The following TBCE variants were observed in gnomAD, a reference collection of about 807,000 sequenced individuals.
The protein encoded by TBCE is tubulin folding cofactor E.
In TBCE, 53 loss-of-function variants were observed where a neutral mutation model predicts 77.0. The observed-to-expected ratio is 0.69, with a 90% CI of 0.55 to 0.87. The LOEUF (loss-of-function observed/expected upper bound fraction) is 0.87. TBCE is among the 40% of genes least tolerant of loss of function. TBCE has a pLI of 0.00. For missense variants in TBCE, 624 were observed against 622.4 expected (o/e 1.00, Z -0.03); for synonymous variants, 235 against 241.3 (o/e 0.97, Z 0.24).
chr1:235,432,103 C>T (rs1376804057), intron 7 of TBCE, among the ~76,000 whole-genome samples: 2 of 152,146 alleles, frequency 1.3e-5, no homozygotes, highest in African/African-American at 2.4e-5. Context: ...CCAGCCTCAG[C>T]CTCCAAAGTA....
intron 7 of TBCE, chr1:235,432,962 G>A: frequency 2.1e-6 from 3 of 1,454,060 alleles, no homozygotes; most frequent in African/African-American, 1.4e-5. Flanking sequence ...GCGCAGTGTG[G>A]TGGCAGCAGG....
chr1:235,394,665 C>T (rs1305376050), intron 2 of TBCE, among the ~76,000 whole-genome samples: 4 of 151,918 alleles, frequency 2.6e-5, no homozygotes, highest in Admixed American at 2.6e-4. Context: ...AAGCAATCTG[C>T]CTGCCTAGGC....
intron 2 of TBCE, among the ~76,000 whole-genome samples, chr1:235,381,268 T>C (rs951752888): frequency 2.0e-5 from 3 of 152,148 alleles, no homozygotes; most frequent in African/African-American, 7.2e-5. Context: ...TTAGCCTAAA[T>C]TGAAGAAACA....
intron 1 of TBCE, among the ~76,000 whole-genome samples, chr1:235,372,760 T>C (rs1677048798): frequency 6.6e-6 from 1 of 151,520 alleles, no homozygotes; most frequent in African/African-American, 2.4e-5. Flanking sequence ...ACGTCTCTAC[T>C]AAAAATACAA....
intron 1 of TBCE, among the ~76,000 whole-genome samples, chr1:235,377,478 C>G (rs193248196): frequency 1.3e-5 from 2 of 152,214 alleles, no homozygotes; most frequent in African/African-American, 4.8e-5. Context: ...CGCGCCCAGC[C>G]TAATGTTATT....
At chr1:235,440,493 A>G (rs1199434259) in intron 13 of TBCE, among the ~76,000 whole-genome samples, 3 of 151,554 alleles carry the variant, frequency 2.0e-5, no homozygotes, top group African/African-American at 7.3e-5. Flanking sequence ...CCTGGGTTCA[A>G]GTGATTCTCC....
At chr1:235,416,805 T>TA (rs879337793) in intron 4 of TBCE, among the ~76,000 whole-genome samples, 1 of 152,160 alleles carries the variant, frequency 6.6e-6, no homozygotes, top group Non-Finnish European at 1.5e-5. Flanking sequence ...TGGCTGGAGA[T>TA]TAGTCAATTC....
chr1:235,430,444 C>T (rs985923895), intron 6 of TBCE: 1 of 353,134 alleles, frequency 2.8e-6, no homozygotes, highest in Non-Finnish European at 5.4e-6. Flanking sequence ...AGGAAGCCTA[C>T]AGCCGCATAC....
intron 13 of TBCE, chr1:235,441,510 T>C (rs1490525580): frequency 2.7e-6 from 1 of 372,494 alleles, no homozygotes; most frequent in Non-Finnish European, 5.0e-6. Flanking sequence ...TAAGGAACAA[T>C]GATGTAATAC....
intron 2 of TBCE, among the ~76,000 whole-genome samples, chr1:235,399,099 A>G (rs867219571): frequency 1.3e-4 from 20 of 152,042 alleles, no homozygotes; most frequent in South Asian, 6.2e-4. Context: ...GATCACAGGC[A>G]TGCACCACCA....
intron 5 of TBCE, among the ~76,000 whole-genome samples, chr1:235,425,045 G>C (rs1480728245): frequency 6.6e-6 from 1 of 152,138 alleles, no homozygotes; most frequent in African/African-American, 2.4e-5. Context: ...TCAGACTTGG[G>C]AGCCCTGGGC....
intron 3 of TBCE, among the ~76,000 whole-genome samples, chr1:235,411,800 T>G (rs1679795821): frequency 6.6e-6 from 1 of 152,060 alleles, no homozygotes; most frequent in African/African-American, 2.4e-5. Flanking sequence ...CTGAATTAAT[T>G]TCATCAACAT....
At chr1:235,428,059 T>TC (rs1247462065) in intron 6 of TBCE, among the ~76,000 whole-genome samples, 1 of 151,120 alleles carries the variant, frequency 6.6e-6, no homozygotes, top group African/African-American at 2.4e-5. Flanking sequence ...GCGCAGTGGC[T>TC]CACGCCTGGA....
chr1:235,423,140 T>C (rs959980763), intron 5 of TBCE, among the ~76,000 whole-genome samples: 2 of 152,156 alleles, frequency 1.3e-5, no homozygotes, highest in Admixed American at 1.3e-4. Flanking sequence ...GGTTATTTAC[T>C]CTACCAGAAC....
intron 5 of TBCE, among the ~76,000 whole-genome samples, chr1:235,425,978 C>T (rs188029021): frequency 1.3e-5 from 2 of 152,180 alleles, no homozygotes; most frequent in Admixed American, 6.6e-5. Flanking sequence ...TGTTGAGGCC[C>T]CTGTGTCGTG....
intron 1 of TBCE, among the ~76,000 whole-genome samples, chr1:235,375,321 G>T (rs940163342): frequency 6.6e-6 from 1 of 152,118 alleles, no homozygotes; most frequent in African/African-American, 2.4e-5. Context: ...ATTTTAAAAA[G>T]TCATTCCATC....
chr1:235,438,161 A>G (rs1681583563), intron 12 of TBCE, among the ~76,000 whole-genome samples: 1 of 152,236 alleles, frequency 6.6e-6, no homozygotes, highest in Admixed American at 6.5e-5. Context: ...AGTCAGCTCC[A>G]CCAGAGCAGG....
At chr1:235,370,512 A>G (rs924080643) in intron 1 of TBCE, among the ~76,000 whole-genome samples, 2 of 149,754 alleles carry the variant, frequency 1.3e-5, no homozygotes, top group African/African-American at 2.5e-5. Flanking sequence ...CAGCCTCCCA[A>G]AGTGCTGGGA....
intron 13 of TBCE, among the ~76,000 whole-genome samples, chr1:235,440,455 C>T (rs1326198220): frequency 2.6e-5 from 4 of 152,050 alleles, no homozygotes; most frequent in African/African-American, 7.2e-5. Context: ...TCCAATGGCG[C>T]GATCTCGGCT....
Sources: allele counts gnomAD v4.1 joint callset (sites outside exome capture counted in the v4.1 genomes callset), GRCh38; gene constraint gnomAD v4.1.1; transcripts MANE v1.5; gene names NCBI Gene and HGNC (gene_info 2026-07-23, HGNC 2026-07-21).